The following CNTN4 variants were observed in gnomAD, a reference collection of about 807,000 sequenced individuals.
CNTN4 encodes contactin-4.
A neutral mutation model predicts 122.5 loss-of-function variants in CNTN4; 77 were observed. That is an observed-to-expected ratio of 0.63 (90% CI 0.52 to 0.76). The LOEUF (loss-of-function observed/expected upper bound fraction) is 0.76. CNTN4 is among the 30% of genes least tolerant of loss of function. The pLI is 0.00. For synonymous variants in CNTN4, 512 were observed against 447.0 expected (o/e 1.15, Z -1.83); for missense variants, 1,256 against 1,259.1 (o/e 1.00, Z 0.04).
chr3:2,271,825 T>C (rs890767176), intron 2 of CNTN4, among the ~76,000 whole-genome samples: 4 of 152,164 alleles, frequency 2.6e-5, no homozygotes, highest in African/African-American at 7.2e-5. Flanking sequence ...GATTTATTCA[T>C]CAATAAACAC....
At chr3:2,817,729 G>A (rs1046341290) in intron 6 of CNTN4, among the ~76,000 whole-genome samples, 4 of 152,140 alleles carry the variant, frequency 2.6e-5, no homozygotes, top group Non-Finnish European at 5.9e-5. Flanking sequence ...TCTGGAAATT[G>A]AATGGGATAT....
In CNTN4 at chr3:2,224,173, T is replaced by G. The variant is rs138459864; in HGVS notation, c.-144-115005T>G. 1.1e-3 allele frequency among the ~76,000 whole-genome samples: 160 copies of G among 152,316 alleles called. 1 individual carries two copies. The highest frequency in any genetic ancestry group is 3.5e-3 in the African/African-American group (147 of 41,574). Reference sequence around the variant, plus strand: ...CTCCTGTGGCTGCAGTTTCTTAGAATTACCAGCCAAATGTATGCCAAAGAA... The same window carrying G: ...CTCCTGTGGCTGCAGTTTCTTAGAAGTACCAGCCAAATGTATGCCAAAGAA... On this transcript the variant is annotated intron_variant, in intron 2 of 24. Coordinates refer to ENST00000418658, the MANE Select transcript of CNTN4 (RefSeq NM_175607.3).
chr3:2,900,945 G>T, intron 11 of CNTN4, 124 bp downstream of exon 11: 1 of 1,245,382 alleles, frequency 8.0e-7, no homozygotes, highest in African/African-American at 1.5e-5. Flanking sequence ...CAGCATTATG[G>T]TGGAAAAAGT....
At chr3:2,567,322 G>C (rs909229921) in intron 3 of CNTN4, among the ~76,000 whole-genome samples, 7 of 152,040 alleles carry the variant, frequency 4.6e-5, no homozygotes, top group Middle Eastern at 3.4e-3. Flanking sequence ...TCATGACTTC[G>C]TGATCCACCC....
chr3:2,512,413 T>C (rs9845120), intron 3 of CNTN4, among the ~76,000 whole-genome samples: 49,828 of 151,806 alleles, frequency 0.33, 9,089 homozygotes, highest in African/African-American at 0.49. Context: ...TTATGTATCC[T>C]CAAATGCCAT....
chr3:2,245,918 C>T (rs1293223000), intron 2 of CNTN4, among the ~76,000 whole-genome samples: 3 of 151,844 alleles, frequency 2.0e-5, no homozygotes, highest in African/African-American at 4.8e-5. Flanking sequence ...TTCCTTTTCT[C>T]TCAGCTCTTC....
At chr3:2,671,752 C>G (rs2084527460) in intron 4 of CNTN4, among the ~76,000 whole-genome samples, 4 of 152,184 alleles carry the variant, frequency 2.6e-5, no homozygotes, top group Admixed American at 2.6e-4. Flanking sequence ...ATGATGGTGA[C>G]ATACGACATA....
At chr3:2,736,833 G>C (rs2089144982) in intron 5 of CNTN4, among the ~76,000 whole-genome samples, 1 of 151,448 alleles carries the variant, frequency 6.6e-6, no homozygotes, top group Non-Finnish European at 1.5e-5. Context: ...CGCTCTGTCA[G>C]GAGTGCAGTG....
At position 3,043,159 on chromosome 3, in the gene CNTN4, G is replaced by A. The variant is rs1257712959; in HGVS notation, c.2694G>A (p.Lys898=). The A allele has an allele frequency of 1.2e-6, 2 of 1,614,054 alleles. No individual in the cohort carries two copies. The highest frequency in any genetic ancestry group is 1.1e-5 in the South Asian group (1 of 91,074). ...CAACAGTCAATGTGACAACCCGAAA[G>A]CCACGTAAGAACAGACTTGCTCAGA... The part of the protein sequence containing the change: ...SSATVNVTTR[K]PPPSQPPGNI... Residue 898 remains lysine, a synonymous_variant, in exon 22 of 25, where the codon AAG becomes AAA. Transcript: ENST00000418658.
At chr3:2,330,612 G>A (rs2043678618) in intron 2 of CNTN4, among the ~76,000 whole-genome samples, 1 of 30,762 alleles carries the variant, frequency 3.3e-5, no homozygotes, top group South Asian at 1.9e-3. Flanking sequence ...TTTTATAAGG[G>A]AGGCATTTAT....
At chr3:2,401,308 A>C (rs2046849742) in intron 3 of CNTN4, among the ~76,000 whole-genome samples, 1 of 152,058 alleles carries the variant, frequency 6.6e-6, no homozygotes, top group South Asian at 2.1e-4. Flanking sequence ...TCAGACCCAG[A>C]AATCAGGTCT....
intron 4 of CNTN4, among the ~76,000 whole-genome samples, chr3:2,727,927 T>C (rs918013600): frequency 6.6e-6 from 1 of 152,218 alleles, no homozygotes; most frequent in African/African-American, 2.4e-5. Context: ...GTTTATCCTT[T>C]AAGCAGGCAT....
chr3:2,668,493 C>T (rs944191400), intron 4 of CNTN4, among the ~76,000 whole-genome samples: 33 of 152,140 alleles, frequency 2.2e-4, no homozygotes, highest in African/African-American at 7.9e-4. Context: ...AGATTTTGGG[C>T]TGAGACAATG....
intron 2 of CNTN4, among the ~76,000 whole-genome samples, chr3:2,195,289 T>G (rs2037783523): frequency 6.6e-6 from 1 of 152,254 alleles, no homozygotes; most frequent in Admixed American, 6.5e-5. Context: ...TTCCATTGTC[T>G]ACATATTCCA....
intron 13 of CNTN4, among the ~76,000 whole-genome samples, chr3:2,929,945 G>T (rs1045060008): frequency 6.6e-6 from 1 of 152,184 alleles, no homozygotes; most frequent in Non-Finnish European, 1.5e-5. Flanking sequence ...CATCTTCCAT[G>T]CCAGGGCAGG....
At chr3:2,636,440 G>T (rs1278875165) in intron 4 of CNTN4, among the ~76,000 whole-genome samples, 1 of 152,094 alleles carries the variant, frequency 6.6e-6, no homozygotes, top group Non-Finnish European at 1.5e-5. Flanking sequence ...CCTACAACCT[G>T]CTCACCTGGG....
At chr3:2,996,424 C>G (rs1254785015) in intron 14 of CNTN4, among the ~76,000 whole-genome samples, 1 of 152,200 alleles carries the variant, frequency 6.6e-6, no homozygotes, top group Non-Finnish European at 1.5e-5. Flanking sequence ...GAAGAGACAC[C>G]TTTTACCTGG....
Position 2,955,147 on chromosome 3 carries a change from G to C in CNTN4, c.1358+29368G>C, listed in dbSNP as rs115510124. ...AAAGTTAAATGGACCACTAAAAAAC[G>C]GTAGACAGAAGAGACAGCCAGGTGC... is the stretch of plus-strand genomic sequence containing the variant. On this transcript the variant is annotated intron_variant, in intron 13 of 24. Transcript: ENST00000418658. 5.9e-3 allele frequency among the ~76,000 whole-genome samples: 891 copies of C among 152,186 alleles called. 7 individuals are homozygous for C. The highest frequency in any genetic ancestry group is 0.021 in the African/African-American group (862 of 41,496).
At chr3:2,861,306 C>A (rs943943715) in intron 7 of CNTN4, among the ~76,000 whole-genome samples, 4 of 152,126 alleles carry the variant, frequency 2.6e-5, no homozygotes, top group African/African-American at 9.7e-5. Context: ...AATTCCAACC[C>A]CTGTCTTTGT....
Sources: gnomAD v4.1 joint callset for allele counts (sites outside exome capture counted in the v4.1 genomes callset) on GRCh38, gnomAD v4.1.1 for gene constraint, MANE v1.5 for transcripts, NCBI Gene and HGNC (gene_info 2026-07-23, HGNC 2026-07-21) for gene names.